Variants in ZNF716 observed in about 807,000 individuals in gnomAD.
The protein encoded by ZNF716 is zinc finger protein 716.
In ZNF716, 9 loss-of-function variants were observed where a neutral mutation model predicts 13.4. The ratio of observed to expected loss-of-function variants is 0.67; its 90% CI spans 0.41 to 1.18. The LOEUF (loss-of-function observed/expected upper bound fraction) is 1.18, where lower values mean the gene tolerates loss of function less well. Among genes scored for constraint, ZNF716 ranks in the 50% most tolerant of loss-of-function variants. ZNF716 has a pLI of 0.01. For missense variants in ZNF716, 581 were observed against 576.6 expected (o/e 1.01, Z -0.08); for synonymous variants, 186 against 195.2 (o/e 0.95, Z 0.39).
At chr7:57,454,624 T>A (rs1789555015) in intron 1 of ZNF716, among the ~76,000 whole-genome samples, 1 of 152,164 alleles carries the variant, frequency 6.6e-6, no homozygotes, top group Non-Finnish European at 1.5e-5. Context: ...TAGTTAGGGT[T>A]AGAATGGATG....
chr7:57,457,678 A>G (rs1789624189), intron 1 of ZNF716, among the ~76,000 whole-genome samples: 2 of 152,114 alleles, frequency 1.3e-5, no homozygotes, highest in Admixed American at 1.3e-4. Context: ...TTTTAGGTTC[A>G]GGAGTACATG....
intron 1 of ZNF716, among the ~76,000 whole-genome samples, chr7:57,456,568 C>T (rs1239255578): frequency 6.6e-6 from 1 of 151,934 alleles, no homozygotes; most frequent in African/African-American, 2.4e-5. Flanking sequence ...AACCCCATCT[C>T]TACTAAAAAT....
At position 57,469,042 on chromosome 7, in the gene ZNF716, T is replaced by C. The variant is rs1337352925; in HGVS notation, c.581T>C (p.Phe194Ser). The C allele has an allele frequency of 2.7e-5, 43 of 1,607,598 alleles. No individual in the cohort carries two copies. The highest frequency in any genetic ancestry group is 3.6e-5 in the Non-Finnish European group (42 of 1,176,424). The change falls in exon 4 of 4, where the codon TTT becomes TCT. Residue 194 changes from phenylalanine (F) to serine (S), a missense_variant. Coordinates refer to ENST00000420713, the MANE Select transcript of ZNF716 (RefSeq NM_001159279.1). ...HFKCKNDGKS[F>S]CMLSRLNQHQ... ...AAATGTAAAAACGATGGCAAATCAT[T>C]TTGCATGCTTTCACGCCTAAATCAA...
At chr7:57,451,011 A>G (rs548582337) in intron 1 of ZNF716, among the ~76,000 whole-genome samples, 50 of 144,388 alleles carry the variant, frequency 3.5e-4, no homozygotes, top group Non-Finnish European at 6.6e-4. Flanking sequence ...CAAGAAAGTA[A>G]TTTCCAAGAA....
chr7:57,456,025 G>A (rs546738303), intron 1 of ZNF716, among the ~76,000 whole-genome samples: 7 of 151,520 alleles, frequency 4.6e-5, no homozygotes, highest in East Asian at 2.0e-4. Context: ...GCACAATATC[G>A]GCTCACCACA....
At chr7:57,463,398 C>T (rs549505941) in intron 3 of ZNF716, among the ~76,000 whole-genome samples, 12 of 152,280 alleles carry the variant, frequency 7.9e-5, no homozygotes, top group African/African-American at 2.2e-4. Flanking sequence ...GTTCATAGTG[C>T]GAGCTAAAGT....
chr7:57,456,234 G>A (rs1419310787), intron 1 of ZNF716, among the ~76,000 whole-genome samples: 8 of 151,954 alleles, frequency 5.3e-5, no homozygotes, highest in Non-Finnish European at 7.4e-5. Context: ...GATTACAGGC[G>A]TGAGCCATCA....
chr7:57,460,225 T>C (rs1789682622), intron 1 of ZNF716, among the ~76,000 whole-genome samples: 1 of 151,746 alleles, frequency 6.6e-6, no homozygotes, highest in African/African-American at 2.4e-5. Context: ...TGAAAGTCCA[T>C]CTCTATTAAA....
In ZNF716 at chr7:57,469,132, G is replaced by T. The variant is rs1174460818; in HGVS notation, c.671G>T (p.Cys224Phe). The change falls in exon 4 of 4, where the codon TGC becomes TTC. Residue 224 changes from cysteine (C) to phenylalanine (F), a missense_variant. Physicochemically the swap from Cys to Phe is radical, Grantham distance 205. Coordinates refer to ENST00000420713, the MANE Select transcript of ZNF716 (RefSeq NM_001159279.1). Reference sequence around the variant, plus strand: ...GAAGAATGTGGCAAATCCTTTAACTGCTCTTCAACCCTTACTAGACATAAA... The same window carrying T: ...GAAGAATGTGGCAAATCCTTTAACTTCTCTTCAACCCTTACTAGACATAAA... ...KCEECGKSFN[C>F]SSTLTRHKRI... The T allele has an allele frequency of 2.5e-6, 4 of 1,609,660 alleles. No homozygotes were observed. In the African/African-American group the frequency reaches 5.4e-5, roughly 22 times the overall value.
chr7:57,469,803 T>C lies in ZNF716; in HGVS notation c.1342T>C (p.Ser448Pro), dbSNP rs1789892773. 2 of 1,604,558 alleles carry C rather than the reference T, an allele frequency of 1.2e-6. No individual in the cohort carries two copies. Among genetic ancestry groups the C allele is most frequent in the East Asian group, 2.3e-5 (1 of 44,390 alleles). ...CKECGKAFTF[S>P]STLNTHKRIH... ...AGAATGTGGGAAAGCCTTTACCTTCTCCTCAACTCTAAATACTCATAAGAG... is the reference window on the plus strand; with the variant it reads ...AGAATGTGGGAAAGCCTTTACCTTCCCCTCAACTCTAAATACTCATAAGAG... The change falls in exon 4 of 4, where the codon TCC (serine) becomes CCC (proline). Residue 448 changes from serine (S) to proline (P), a missense_variant. Ser to Pro is a moderately conservative substitution (Grantham distance 74, BLOSUM62 -1). Transcript: ENST00000420713.
At chr7:57,467,164 A>T (rs1183109688) in intron 3 of ZNF716, among the ~76,000 whole-genome samples, 4 of 152,056 alleles carry the variant, frequency 2.6e-5, no homozygotes, top group Non-Finnish European at 4.4e-5. Flanking sequence ...TTCTCATTAT[A>T]TCTATCCCAT....
At chr7:57,462,681 A>C (rs1293144017) in intron 2 of ZNF716, 95 bp downstream of exon 2, 1 of 1,378,262 alleles carries the variant, frequency 7.3e-7, no homozygotes, top group Admixed American at 2.2e-5. Context: ...AATGAATTTT[A>C]GCTCTCCAGT....
chr7:57,471,715 A>C lies in ZNF716; in HGVS notation c.*1766A>C, dbSNP rs370375436. ...AGAAAACACTAGTTTATACTAAAAA[A>C]ATATTTTTGCAGATGCAGTAAATGG... On this transcript the variant is annotated 3_prime_UTR_variant, in exon 4 of 4. Coordinates refer to ENST00000420713, the MANE Select transcript of ZNF716 (RefSeq NM_001159279.1). 2 of 152,130 alleles carry C rather than the reference A, an allele frequency of 1.3e-5. No individual in the cohort carries two copies. The highest frequency in any genetic ancestry group is 2.1e-4 in the South Asian group (1 of 4,834). 9.4% of individuals were successfully genotyped at this position (152,130 alleles called of 1,614,324 possible).
Position 57,469,941 on chromosome 7 carries a change from T to C in ZNF716, c.1480T>C (p.Tyr494His), listed in dbSNP as rs1789897763. The C allele has an allele frequency of 6.4e-7, 1 of 1,554,724 alleles. No individual in the cohort carries two copies. Among genetic ancestry groups the C allele is most frequent in the Non-Finnish European group, 8.7e-7 (1 of 1,150,242 alleles). ...NMHTGEKPYKYE is the reference protein window; with the variant it reads ...NMHTGEKPYKHE The stretch of plus-strand genomic sequence containing the variant: ...GCATACTGGAGAGAAACCCTACAAA[T>C]ATGAATAATGTGGTAAAGTCCAGCC... Residue 494 changes from tyrosine (Y) to histidine (H), a missense_variant, in exon 4 of 4, where the codon TAT (tyrosine) becomes CAT (histidine). Transcript: ENST00000420713.
rs782753684 is a variant in ZNF716, at chr7:57,463,104, C to A, written c.198C>A (p.Thr66=). The A allele has an allele frequency of 5.6e-6, 9 of 1,610,588 alleles. No homozygotes were observed. In the Admixed American group the frequency reaches 1.3e-4, roughly 24 times the overall value. The change falls in exon 3 of 4, where the codon ACC becomes ACA. Residue 66 remains threonine (T), a synonymous_variant. Coordinates refer to ENST00000420713, the MANE Select transcript of ZNF716 (RefSeq NM_001159279.1). The part of the protein sequence containing the change: ...GIAVSKPDLI[T]CLEQNKEPQN... ...CTGTCTCTAAGCCAGACTTGATCAC[C>A]TGTCTGGAGCAAAATAAAGAGCCCC...
rs1398580721 is a variant in ZNF716 at position 57,472,140 on chromosome 7, A to G, written c.*2191A>G. On this transcript the variant is annotated 3_prime_UTR_variant, in exon 4 of 4. Transcript: ENST00000420713. Reference sequence around the variant, plus strand: ...ATGAGTAAGGACATTAAGTTGTAAGATGCATAATGAAAATCTAAATGGAGA... The same window carrying G: ...ATGAGTAAGGACATTAAGTTGTAAGGTGCATAATGAAAATCTAAATGGAGA... 6 of 152,172 alleles carry G rather than the reference A, an allele frequency of 3.9e-5. No individual in the cohort carries two copies. The East Asian group carries it at 1.2e-3, about 29-fold the overall frequency. 9.4% of individuals were successfully genotyped at this position (152,172 alleles called of 1,614,324 possible).
intron 3 of ZNF716, among the ~76,000 whole-genome samples, chr7:57,463,906 A>T (rs148694415): frequency 3.0e-4 from 45 of 152,006 alleles, no homozygotes; most frequent in Non-Finnish European, 4.7e-4. Context: ...ACAGGTTTCA[A>T]TTGCTTTACA....
intron 1 of ZNF716, among the ~76,000 whole-genome samples, chr7:57,453,860 C>G (rs781887014): frequency 2.6e-5 from 4 of 151,970 alleles, no homozygotes; most frequent in Admixed American, 2.6e-4. Context: ...TTTTGGAGAC[C>G]GAGTCTTTGT....
At position 57,464,507 on chromosome 7, in the gene ZNF716, CAT is replaced by C. The variant is rs527344946; in HGVS notation, c.262+1340_262+1341del. On this transcript the variant is annotated intron_variant, in intron 3 of 3. Coordinates refer to ENST00000420713, the MANE Select transcript of ZNF716 (RefSeq NM_001159279.1). ...TTCTCAATATTAAGTGTTGTTATCA[CAT>C]GTGATTTTCAAATATTGTCACCCAT... 5.3e-5 allele frequency among the ~76,000 whole-genome samples: 8 copies of C among 152,070 alleles called. No homozygotes were observed. In the East Asian group the frequency reaches 1.4e-3, roughly 26 times the overall value.
Sources: allele counts gnomAD v4.1 joint callset (sites outside exome capture counted in the v4.1 genomes callset), GRCh38; gene constraint gnomAD v4.1.1; transcripts MANE v1.5; gene names NCBI Gene and HGNC (gene_info 2026-07-23, HGNC 2026-07-21).